The following CNTN4 variants were observed in gnomAD, a reference collection of about 807,000 sequenced individuals.
CNTN4 encodes the protein contactin-4.
Under a neutral mutation model 122.5 loss-of-function variants are expected in CNTN4, and 77 were observed. That is an observed-to-expected ratio of 0.63 (90% confidence interval 0.52 to 0.76). The LOEUF (loss-of-function observed/expected upper bound fraction) is 0.76, where lower values mean the gene tolerates loss of function less well. CNTN4 is among the 30% of genes least tolerant of loss of function. The pLI is 0.00. For missense variants in CNTN4, 1,256 were observed against 1,259.1 expected (o/e 1.00, Z 0.04); for synonymous variants, 512 against 447.0 (o/e 1.15, Z -1.83).
chr3:2,245,274 C>T (rs183496252), intron 2 of CNTN4, among the ~76,000 whole-genome samples: 3 of 152,100 alleles, frequency 2.0e-5, no homozygotes, highest in African/African-American at 7.2e-5. Flanking sequence ...ATCCCTAATT[C>T]ATTTGAGATC....
intron 2 of CNTN4, among the ~76,000 whole-genome samples, chr3:2,202,164 G>T (rs2038130147): frequency 2.6e-5 from 4 of 152,034 alleles, no homozygotes; most frequent in African/African-American, 9.7e-5. Context: ...TCTACCTCTA[G>T]CTTCAGTAGC....
chr3:2,673,817 C>G (rs1391722003), intron 4 of CNTN4, among the ~76,000 whole-genome samples: 2 of 152,134 alleles, frequency 1.3e-5, no homozygotes, highest in African/African-American at 4.8e-5. Flanking sequence ...GCTGGGATTA[C>G]AGGTGCGAGT....
At position 2,124,026 on chromosome 3, in the gene CNTN4, A is replaced by G. The variant is rs558209715; in HGVS notation, c.-145+23387A>G. The stretch of plus-strand genomic sequence containing the variant: ...CAGGAAGACTTCTAGCAATTCCACA[A>G]AGACAAAAAGCAAAGATGCCAGAAG... On this transcript the variant is annotated intron_variant, in intron 2 of 24. Coordinates refer to ENST00000418658, the MANE Select transcript of CNTN4 (RefSeq NM_175607.3). 6.6e-5 allele frequency among the ~76,000 whole-genome samples: 10 copies of G among 152,326 alleles called. 1 individual carries two copies. In the East Asian group the frequency reaches 9.6e-4, roughly 15 times the overall value.
intron 8 of CNTN4, among the ~76,000 whole-genome samples, chr3:2,873,561 A>G (rs1434392360): frequency 6.6e-6 from 1 of 152,216 alleles, no homozygotes; most frequent in African/African-American, 2.4e-5. Flanking sequence ...AAAGATTCTG[A>G]AATATTCTTG....
chr3:2,303,188 T>A (rs1373367765), intron 2 of CNTN4, among the ~76,000 whole-genome samples: 2 of 152,206 alleles, frequency 1.3e-5, no homozygotes, highest in African/African-American at 2.4e-5. Context: ...TCTGTGCACT[T>A]GTTTTAAAAT....
chr3:2,519,158 ATCGGCTTGCCC>A (rs1412054178), intron 3 of CNTN4, among the ~76,000 whole-genome samples: 1 of 152,150 alleles, frequency 6.6e-6, no homozygotes, highest in Non-Finnish European at 1.5e-5. Context: ...AAAAGGGAAG[ATCGGCTTGCCC>A]TCCTTGTACC....
chr3:2,108,046 G>A (rs186608009), intron 2 of CNTN4, among the ~76,000 whole-genome samples: 1 of 152,004 alleles, frequency 6.6e-6, no homozygotes, highest in African/African-American at 2.4e-5. Flanking sequence ...ATTGCCTGTG[G>A]TCCCTCCTGG....
chr3:2,651,279 C>T lies in CNTN4; in HGVS notation c.55+79721C>T, dbSNP rs183306480. On this transcript the variant is annotated intron_variant, in intron 4 of 24. Coordinates refer to ENST00000418658, the MANE Select transcript of CNTN4 (RefSeq NM_175607.3). The stretch of plus-strand genomic sequence containing the variant: ...ACAAGCAGGGTAGAAAAAAATATTC[C>T]CTTAGGATCCTCTTGCTTCCTTTGT... Among the ~76,000 whole-genome samples the T allele has an allele frequency of 6.6e-5, 10 of 152,214 alleles. No individual in the cohort carries two copies. The East Asian group carries it at 1.9e-3, about 29-fold the overall frequency.
At chr3:2,471,503 C>G (rs1196678306) in intron 3 of CNTN4, among the ~76,000 whole-genome samples, 1 of 152,116 alleles carries the variant, frequency 6.6e-6, no homozygotes, top group Non-Finnish European at 1.5e-5. Flanking sequence ...TGAGTGGCAT[C>G]TGTGTTTTCT....
At chr3:2,537,547 C>G (rs1320536151) in intron 3 of CNTN4, among the ~76,000 whole-genome samples, 1 of 152,096 alleles carries the variant, frequency 6.6e-6, no homozygotes, top group African/African-American at 2.4e-5. Context: ...CTGATGAAAA[C>G]TGTCCACTGT....
At chr3:2,417,445 T>C (rs2151081519) in intron 3 of CNTN4, among the ~76,000 whole-genome samples, 1 of 152,360 alleles carries the variant, frequency 6.6e-6, no homozygotes, top group South Asian at 2.1e-4. Flanking sequence ...ACTGAGCTCT[T>C]TCCTGCTTCA....
chr3:2,671,844 G>C (rs975784729), intron 4 of CNTN4, among the ~76,000 whole-genome samples: 2 of 152,194 alleles, frequency 1.3e-5, no homozygotes, highest in South Asian at 2.1e-4. Flanking sequence ...CAGGTCTGTT[G>C]GAGTTTGCCG....
At chr3:2,392,540 A>G (rs1250539434) in intron 3 of CNTN4, among the ~76,000 whole-genome samples, 4 of 152,182 alleles carry the variant, frequency 2.6e-5, no homozygotes, top group African/African-American at 9.7e-5. Context: ...ATAATTGTAT[A>G]TATGGGGTAC....
intron 2 of CNTN4, among the ~76,000 whole-genome samples, chr3:2,299,244 G>T (rs946332247): frequency 2.0e-5 from 3 of 152,036 alleles, no homozygotes; most frequent in Non-Finnish European, 2.9e-5. Flanking sequence ...TATAAAATTT[G>T]GATTATTTGT....
At chr3:2,272,368 G>A (rs2041332732) in intron 2 of CNTN4, among the ~76,000 whole-genome samples, 1 of 151,992 alleles carries the variant, frequency 6.6e-6, no homozygotes, top group African/African-American at 2.4e-5. Flanking sequence ...CCTAAATGGA[G>A]TTTATAATAT....
At chr3:2,336,332 A>C (rs561221041) in intron 2 of CNTN4, among the ~76,000 whole-genome samples, 2 of 152,086 alleles carry the variant, frequency 1.3e-5, no homozygotes, top group Non-Finnish European at 2.9e-5. Context: ...TTTTTGAATA[A>C]AAAAAATTAA....
At position 2,900,742 on chromosome 3, in the gene CNTN4, T is replaced by C. The variant is rs935967933; in HGVS notation, c.998T>C (p.Val333Ala). The C allele has an allele frequency of 1.1e-5, 18 of 1,613,820 alleles. No homozygotes were observed. The highest frequency in any genetic ancestry group is 1.7e-6 in the Non-Finnish European group (2 of 1,179,826). Residue 333 changes from valine to alanine, a missense_variant, in exon 11 of 25, where the codon GTC becomes GCC. Coordinates refer to ENST00000418658, the MANE Select transcript of CNTN4 (RefSeq NM_175607.3). ...NDIHVAMEEN[V>A]FWECKANGRP... ...ATTCACGTGGCCATGGAAGAAAATG[T>C]CTTTTGGGAATGTAAAGCAAATGGA...
chr3:2,489,399 G>A (rs2076251401), intron 3 of CNTN4, among the ~76,000 whole-genome samples: 2 of 152,090 alleles, frequency 1.3e-5, no homozygotes, highest in African/African-American at 2.4e-5. Context: ...CTGGGCTAAA[G>A]GAAAGAAGCC....
intron 13 of CNTN4, among the ~76,000 whole-genome samples, chr3:2,953,976 CA>C (rs2094772981): frequency 6.6e-6 from 1 of 152,128 alleles, no homozygotes; most frequent in Admixed American, 6.5e-5. Flanking sequence ...TAAATTAAGT[CA>C]ATTCTTAGGA....
Sources: gnomAD v4.1 joint callset for allele counts (sites outside exome capture counted in the v4.1 genomes callset) on GRCh38, gnomAD v4.1.1 for gene constraint, MANE v1.5 for transcripts, NCBI Gene and HGNC (gene_info 2026-07-23, HGNC 2026-07-21) for gene names.